The following OCA2 variants were observed in gnomAD, a reference collection of about 807,000 sequenced individuals.
OCA2 encodes P protein.
OCA2 carries 77 observed loss-of-function variants against 100.2 expected under a neutral mutation model. The observed-to-expected ratio is 0.77, with a 90% CI of 0.64 to 0.93. The LOEUF (loss-of-function observed/expected upper bound fraction) is 0.93, where lower values mean the gene tolerates loss of function less well. OCA2 is among the 40% of genes least tolerant of loss of function. OCA2 has a pLI of 0.00. For missense variants in OCA2, 1,062 were observed against 1,089.1 expected, an observed-to-expected ratio of 0.98 and a Z score of 0.35; for synonymous variants, 432 against 439.2, an observed-to-expected ratio of 0.98 and a Z score of 0.21.
At chr15:27,812,010 A>G (rs1475079861) in intron 23 of OCA2, among the ~76,000 whole-genome samples, 1 of 152,218 alleles carries the variant, frequency 6.6e-6, no homozygotes, top group Non-Finnish European at 1.5e-5. Context: ...TTTTTAAAAA[A>G]TGATCTTGAA....
chr15:27,862,889 T>G (rs2036188773), intron 21 of OCA2, among the ~76,000 whole-genome samples: 1 of 152,244 alleles, frequency 6.6e-6, no homozygotes, highest in South Asian at 2.1e-4. Context: ...TTCTTTTAAA[T>G]GTATACTTTC....
chr15:27,909,970 C>T (rs1019896800), intron 19 of OCA2, among the ~76,000 whole-genome samples: 3 of 152,008 alleles, frequency 2.0e-5, no homozygotes, highest in Non-Finnish European at 4.4e-5. Context: ...GTCTATACCA[C>T]AAAGAGCTAA....
the OCA2 span, among the ~76,000 whole-genome samples, chr15:27,737,887 T>C: frequency 2.0e-5 from 3 of 152,186 alleles, no homozygotes; most frequent in South Asian, 6.2e-4. Flanking sequence ...GGACAAAAGG[T>C]GTGGGCAGAC....
chr15:27,924,776 T>G (rs2038985756), intron 19 of OCA2, among the ~76,000 whole-genome samples: 1 of 152,032 alleles, frequency 6.6e-6, no homozygotes, highest in Non-Finnish European at 1.5e-5. Context: ...AGATATGAGA[T>G]ATAGTGAAAA....
chr15:27,868,465 T>C (rs2036414031), intron 21 of OCA2, among the ~76,000 whole-genome samples: 1 of 152,118 alleles, frequency 6.6e-6, no homozygotes, highest in Non-Finnish European at 1.5e-5. Context: ...ATAAGCGAGT[T>C]ACAGAAGGAG....
intron 15 of OCA2, among the ~76,000 whole-genome samples, chr15:27,959,080 C>T (rs2040326257): frequency 6.6e-6 from 1 of 152,200 alleles, no homozygotes; most frequent in Non-Finnish European, 1.5e-5. Context: ...GGAAACGAAG[C>T]ATGTCATGAC....
chr15:27,775,094 G>GTGTC (rs2032123959), intron 23 of OCA2, among the ~76,000 whole-genome samples: 1 of 150,674 alleles, frequency 6.6e-6, no homozygotes, highest in African/African-American at 2.4e-5. Context: ...GTGTGTGTGT[G>GTGTC]TGTGTGTGTC....
At chr15:28,052,174 G>A (rs2043539779) in intron 2 of OCA2, among the ~76,000 whole-genome samples, 1 of 152,112 alleles carries the variant, frequency 6.6e-6, no homozygotes, top group East Asian at 1.9e-4. Context: ...TGCTGTCCCT[G>A]CATTTCACTA....
At chr15:27,730,732 AATAT>A in the OCA2 span, among the ~76,000 whole-genome samples, 3,630 of 100,984 alleles carry the variant, frequency 0.036, 64 homozygotes, top group Non-Finnish European at 0.055. Flanking sequence ...AAAAAGACCA[AATAT>A]ATATATATAT....
At chr15:28,039,055 A>G (rs906006493) in intron 2 of OCA2, among the ~76,000 whole-genome samples, 3 of 152,254 alleles carry the variant, frequency 2.0e-5, no homozygotes, top group African/African-American at 7.2e-5. Context: ...AACCGTTACA[A>G]GAGGCAAAGA....
chr15:27,905,694 C>T (rs959790982), intron 19 of OCA2, among the ~76,000 whole-genome samples: 1 of 152,226 alleles, frequency 6.6e-6, no homozygotes, highest in African/African-American at 2.4e-5. Context: ...GGACTGTGCT[C>T]TGCCCGCAGA....
intron 9 of OCA2, among the ~76,000 whole-genome samples, chr15:27,997,962 T>C (rs2041803697): frequency 7.9e-6 from 1 of 126,366 alleles, no homozygotes; most frequent in Admixed American, 8.2e-5. Context: ...AGTTCACTCA[T>C]GATTTGGCTC....
At chr15:28,074,971 C>A (rs888104158) in intron 2 of OCA2, among the ~76,000 whole-genome samples, 5 of 152,168 alleles carry the variant, frequency 3.3e-5, no homozygotes, top group African/African-American at 1.2e-4. Flanking sequence ...AATTGGACAT[C>A]TATAAGCAAA....
intron 23 of OCA2, among the ~76,000 whole-genome samples, chr15:27,771,286 C>T (rs543240008): frequency 8.6e-5 from 13 of 151,988 alleles, no homozygotes; most frequent in African/African-American, 3.1e-4. Flanking sequence ...CCGCCAAGGT[C>T]ACAGCGCTAC....
intron 19 of OCA2, among the ~76,000 whole-genome samples, chr15:27,872,726 A>G (rs908868420): frequency 2.1e-5 from 3 of 141,240 alleles, no homozygotes; most frequent in Non-Finnish European, 3.1e-5. Flanking sequence ...GTCTTGCTCT[A>G]TTGCTCAGGC....
chr15:27,827,528 T>C (rs1410437058), intron 23 of OCA2, among the ~76,000 whole-genome samples: 4 of 151,978 alleles, frequency 2.6e-5, no homozygotes, highest in Non-Finnish European at 5.9e-5. Flanking sequence ...ATTTTATTTG[T>C]TCCTTGTAAT....
chr15:27,996,903 T>C (rs150550243), intron 9 of OCA2, among the ~76,000 whole-genome samples: 18 of 151,692 alleles, frequency 1.2e-4, no homozygotes, highest in Non-Finnish European at 2.9e-5. Flanking sequence ...CTTCAAACTT[T>C]TGCAAAAAAT....
chr15:27,946,352 C>T (rs1017190747), intron 18 of OCA2, among the ~76,000 whole-genome samples: 5 of 152,266 alleles, frequency 3.3e-5, no homozygotes, highest in Non-Finnish European at 7.4e-5. Context: ...AAGCGAAAAC[C>T]TAACTTAATA....
At chr15:27,940,557 T>C (rs990906844) in intron 18 of OCA2, among the ~76,000 whole-genome samples, 3 of 151,970 alleles carry the variant, frequency 2.0e-5, no homozygotes, top group Non-Finnish European at 2.9e-5. Context: ...GCACTAAAGA[T>C]GTCACCAAGA....
Sources: allele counts gnomAD v4.1 joint callset (sites outside exome capture counted in the v4.1 genomes callset), GRCh38; gene constraint gnomAD v4.1.1; transcripts MANE v1.5; gene names NCBI Gene and HGNC (gene_info 2026-07-23, HGNC 2026-07-21).